HM13: variants seen among roughly 807,000 people sequenced by gnomAD.
The protein encoded by HM13 is histocompatibility minor 13.
A neutral mutation model predicts 50.0 loss-of-function variants in HM13; 18 were observed. That is an observed-to-expected ratio of 0.36 (90% confidence interval 0.25 to 0.53). The LOEUF is 0.53. HM13 is among the 20% of genes least tolerant of loss of function. HM13 has a pLI of 0.90. For synonymous variants in HM13, 197 were observed against 232.6 expected (o/e 0.85, Z 1.39); for missense variants, 393 against 552.4 (o/e 0.71, Z 2.89).
In HM13 at chr20:31,568,093, G is replaced by C. The variant is rs753116454; in HGVS notation, c.1050G>C (p.Ala350=). 6.2e-7 allele frequency: 1 copy of C among 1,610,388 alleles called. No homozygotes were observed. Among genetic ancestry groups the C allele is most frequent in the African/African-American group, 1.3e-5 (1 of 74,786 alleles). Residue 350 remains alanine, a synonymous_variant, in exon 12 of 13, where the codon GCG becomes GCC. Coordinates refer to ENST00000398174, the MANE Select transcript of HM13 (RefSeq NM_178581.3). ...VTEMFSYESS[A]EILPHTPRLT... is the part of the protein sequence containing the mutation. The stretch of plus-strand genomic sequence containing the variant: ...TCTCACACAGCTACGAGTCCTCGGC[G>C]GAAATCCTGCCTCATACCCCGAGGC...
In HM13 at chr20:31,549,282, A is replaced by T; in HGVS notation, c.616A>T (p.Ser206Cys). 2 of 1,614,214 alleles carry T rather than the reference A, an allele frequency of 1.2e-6. No individual in the cohort carries two copies. ...AGAGCTCCTGCACCTCAACAATGTC[A>T]GCACTGGCTGCATCCTGCTGGGCGG... ...GVELLHLNNV[S>C]TGCILLGGLF... The change falls in exon 6 of 13, where the codon AGC (serine) becomes TGC (cysteine). Residue 206 changes from serine to cysteine, a missense_variant. This residue lies in a region of HM13 where 214 missense variants were observed against 276.1 expected (regional missense o/e 0.77). Transcript: ENST00000398174.
At chr20:31,534,150 T>A (rs553472258) in intron 2 of HM13, among the ~76,000 whole-genome samples, 1 of 151,926 alleles carries the variant, frequency 6.6e-6, no homozygotes, top group Non-Finnish European at 1.5e-5. Flanking sequence ...AGTGCTGGGA[T>A]TACAGGCGCA....
chr20:31,558,737 ATTTTGAGACAGAGTCTCAC>A (rs1206251728), intron 8 of HM13, among the ~76,000 whole-genome samples: 1 of 151,588 alleles, frequency 6.6e-6, no homozygotes. Flanking sequence ...GGTTTTTTGT[ATTTTGAGACAGAGTCTCAC>A]TCTGTCGTCC....
chr20:31,549,159 G>C, intron 5 of HM13, 45 bp downstream of exon 5: 2 of 1,614,124 alleles, frequency 1.2e-6, no homozygotes, highest in Non-Finnish European at 1.7e-6. Context: ...GGGGTTGACA[G>C]GGCAGGGTGG....
chr20:31,521,074 G>T (rs1244730485), intron 1 of HM13, among the ~76,000 whole-genome samples: 1 of 152,150 alleles, frequency 6.6e-6, no homozygotes, highest in African/African-American at 2.4e-5. Flanking sequence ...TATGTTGCAG[G>T]ATCTATTGTA....
chr20:31,548,889 C>A, intron 4 of HM13, 140 bp from the exon 5 acceptor site: 1 of 757,736 alleles, frequency 1.3e-6, no homozygotes, highest in Non-Finnish European at 2.3e-6. Context: ...TCATACTAAT[C>A]TGGGGCAGCC....
At chr20:31,557,631 A>T (rs939106386) in intron 8 of HM13, among the ~76,000 whole-genome samples, 1 of 151,390 alleles carries the variant, frequency 6.6e-6, no homozygotes, top group African/African-American at 2.4e-5. Flanking sequence ...ACTCCTACAG[A>T]GTATTCATTG....
intron 8 of HM13, among the ~76,000 whole-genome samples, chr20:31,558,699 G>A (rs772813913): frequency 4.1e-4 from 62 of 151,604 alleles, no homozygotes; most frequent in Non-Finnish European, 7.4e-4. Flanking sequence ...AATTGCAGGC[G>A]TGCACTGCCA....
At chr20:31,518,639 C>T (rs1046707523) in intron 1 of HM13, among the ~76,000 whole-genome samples, 4 of 151,672 alleles carry the variant, frequency 2.6e-5, no homozygotes, top group Non-Finnish European at 4.4e-5. Flanking sequence ...GAGTGAGACT[C>T]CATCTCAAAA....
chr20:31,565,125 C>T (rs1284204280), intron 10 of HM13, among the ~76,000 whole-genome samples: 2 of 148,468 alleles, frequency 1.3e-5, no homozygotes, highest in Non-Finnish European at 3.0e-5. Context: ...AAGATCACAC[C>T]ACTGCACTCC....
intron 8 of HM13, among the ~76,000 whole-genome samples, chr20:31,556,142 G>A (rs1984304650): frequency 6.7e-6 from 1 of 149,620 alleles, no homozygotes; most frequent in East Asian, 2.0e-4. Context: ...AGCGATTCTC[G>A]ATTCTCCTGC....
At chr20:31,538,112 G>A in intron 2 of HM13, 67 bp from the exon 3 acceptor site, 2 of 1,586,760 alleles carry the variant, frequency 1.3e-6, no homozygotes, top group South Asian at 2.3e-5. Flanking sequence ...AGAGACGCAG[G>A]GACTCTGGTT....
chr20:31,515,493 C>G (rs937984950), intron 1 of HM13, among the ~76,000 whole-genome samples: 3 of 152,202 alleles, frequency 2.0e-5, no homozygotes, highest in Admixed American at 6.5e-5. Flanking sequence ...AAACCTAGAC[C>G]TTGTTCCTAA....
chr20:31,530,156 A>G (rs527804148), intron 2 of HM13, among the ~76,000 whole-genome samples: 1 of 152,010 alleles, frequency 6.6e-6, no homozygotes, highest in Admixed American at 6.6e-5. Flanking sequence ...CGATTCATCA[A>G]TAATGTACAT....
Position 31,549,040 on chromosome 20 carries a change from T to A in HM13, c.466T>A (p.Tyr156Asn), listed in dbSNP as rs1457919540. 1 of 1,614,046 alleles carries A rather than the reference T, an allele frequency of 6.2e-7. No individual in the cohort carries two copies. Among genetic ancestry groups the A allele is most frequent in the Non-Finnish European group, 8.5e-7 (1 of 1,179,976 alleles). ...SGENKEEIIN[Y>N]EFDTKDLVCL... ...GCCTCTCTGCTCAGAGATCATCAAT[T>A]ATGAATTTGACACCAAGGACCTGGT... is the stretch of plus-strand genomic sequence containing the variant. The change falls in exon 5 of 13, where the codon TAT becomes AAT. Residue 156 changes from tyrosine (Y) to asparagine (N), a missense_variant. Transcript: ENST00000398174.
chr20:31,567,979 C>T (rs1985019227), intron 11 of HM13, 99 bp from the exon 12 acceptor site: 3 of 1,050,034 alleles, frequency 2.9e-6, no homozygotes, highest in East Asian at 2.8e-5. Context: ...AAAAACAAGA[C>T]AGTTCTGCTC....
Position 31,514,451 on chromosome 20 carries a change from T to C in HM13, c.-101T>C. 3 of 1,345,758 alleles carry C rather than the reference T, an allele frequency of 2.2e-6. No homozygotes were observed. Among genetic ancestry groups the C allele is most frequent in the South Asian group, 1.4e-5 (1 of 72,508 alleles). The allele number at this position is 1,345,758 out of a possible 1,614,324, so 83.4% of individuals were successfully genotyped here. ...TGGGAGGGAGCACGTCACTTCCTGT[T>C]GCCTTAGGGGAACGTGGCTTTCCCT... On this transcript the variant is annotated 5_prime_UTR_variant, in exon 1 of 13. Coordinates refer to ENST00000398174, the MANE Select transcript of HM13 (RefSeq NM_178581.3). This position sits in a 1 kb window ranked among gnomAD's most constrained non-coding sequence, Gnocchi z 4.3.
In HM13 at chr20:31,550,085, G is replaced by A; in HGVS notation, c.688G>A (p.Val230Met). Residue 230 changes from valine to methionine, a missense_variant, in exon 7 of 13, where the codon GTG (valine) becomes ATG (methionine). Val to Met is a conservative substitution (Grantham distance 21). Coordinates refer to ENST00000398174, the MANE Select transcript of HM13 (RefSeq NM_178581.3). ...CTAGGTATTTGGCACCAATGTGATG[G>A]TGACAGTGGCCAAGTCCTTCGAGGC... ...VFWVFGTNVM[V>M]TVAKSFEAPI... The A allele has an allele frequency of 1.2e-6, 2 of 1,613,822 alleles. No homozygotes were observed. Among genetic ancestry groups the A allele is most frequent in the Non-Finnish European group, 1.7e-6 (2 of 1,179,862 alleles).
Position 31,514,616 on chromosome 20 carries a change from C to T in HM13, c.65C>T (p.Thr22Ile). 1.3e-6 allele frequency: 2 copies of T among 1,594,808 alleles called. No individual in the cohort carries two copies. The highest frequency in any genetic ancestry group is 8.5e-7 in the Non-Finnish European group (1 of 1,172,568). ...GAGGCAGGCGGCCCCACCAACAGCACTACGCGGCCGCCTTCCACGCCCGAG... is the reference window on the plus strand; with the variant it reads ...GAGGCAGGCGGCCCCACCAACAGCATTACGCGGCCGCCTTCCACGCCCGAG... ...SAEAGGPTNS[T>I]TRPPSTPEGI... Residue 22 changes from threonine to isoleucine, a missense_variant, in exon 1 of 13, where the codon ACT (threonine) becomes ATT (isoleucine). Physicochemically the swap from Thr to Ile is moderately conservative, Grantham distance 89. Around this residue, in one of 3 missense-constraint regions of HM13, gnomAD observed 214 missense variants for 276.1 expected, o/e 0.77. Coordinates refer to ENST00000398174, the MANE Select transcript of HM13 (RefSeq NM_178581.3). This position sits in a 1 kb window ranked among gnomAD's most constrained non-coding sequence, Gnocchi z 4.3.
Sources: allele counts gnomAD v4.1 joint callset (sites outside exome capture counted in the v4.1 genomes callset), GRCh38; gene constraint gnomAD v4.1.1; regional missense constraint gnomAD v4.1.1; non-coding constraint Gnocchi (gnomAD v3.1); transcripts MANE v1.5; gene names NCBI Gene and HGNC (gene_info 2026-07-23, HGNC 2026-07-21).